Variants in PCDHGB1 observed in about 807,000 individuals in gnomAD.
The protein encoded by PCDHGB1 is protocadherin gamma-B1.
PCDHGB1 carries 34 observed loss-of-function variants against 56.6 expected under a neutral mutation model. That is an observed-to-expected ratio of 0.60 (90% CI 0.46 to 0.80). PCDHGB1 has a LOEUF of 0.80. PCDHGB1 is among the 30% of genes least tolerant of loss of function. PCDHGB1 has a pLI of 0.00. For missense variants in PCDHGB1, 1,278 were observed against 1,204.6 expected (o/e 1.06, Z -0.90); for synonymous variants, 561 against 505.9 (o/e 1.11, Z -1.46).
At chr5:141,419,620 G>A (rs776986192) in intron 1 of PCDHGB1, 9 of 1,612,304 alleles carry the variant, frequency 5.6e-6, no homozygotes, top group Non-Finnish European at 7.6e-6. Context: ...CAGGCTACCT[G>A]GTGACCAAGG....
At chr5:141,422,374 G>A (rs1268014814) in intron 1 of PCDHGB1, 1 of 1,570,452 alleles carries the variant, frequency 6.4e-7, no homozygotes, top group Non-Finnish European at 8.6e-7. Flanking sequence ...AAATGGTCAA[G>A]TCTCCTGTTT....
At chr5:141,355,077 C>A in intron 1 of PCDHGB1, 1 of 1,404,060 alleles carries the variant, frequency 7.1e-7, no homozygotes, top group Non-Finnish European at 9.5e-7. Flanking sequence ...ATGAAAGCTT[C>A]AAGCGGAAGC....
chr5:141,375,017 T>TC lies in PCDHGB1; in HGVS notation c.2409+22349dup, dbSNP rs772354381. The TC allele has an allele frequency of 6.2e-6, 10 of 1,614,032 alleles. No individual in the cohort carries two copies. The South Asian group carries it at 1.1e-4, about 18-fold the overall frequency. The stretch of plus-strand genomic sequence containing the variant: ...TTCTGCAAATCTAGACTATGAGGAC[T>TC]CGAGTTTTTATGAGCTGGGTGTTGA... On this transcript the variant is annotated intron_variant, in intron 1 of 3. Transcript: ENST00000523390.
At chr5:141,422,279 C>T (rs1344316011) in intron 1 of PCDHGB1, 1 of 1,557,956 alleles carries the variant, frequency 6.4e-7, no homozygotes, top group Non-Finnish European at 8.6e-7. Context: ...ATAACTATCA[C>T]CTCTTCTATT....
intron 1 of PCDHGB1, chr5:141,385,074 G>T: frequency 1.2e-6 from 2 of 1,614,192 alleles, no homozygotes; most frequent in African/African-American, 1.3e-5. Context: ...CACGCCTGCT[G>T]CAGGCTTCAG....
chr5:141,483,648 TTGTGTGTGTGTGTG>T (rs111458813), intron 1 of PCDHGB1, among the ~76,000 whole-genome samples: 1 of 149,592 alleles, frequency 6.7e-6, no homozygotes, highest in Non-Finnish European at 1.5e-5. Flanking sequence ...GGGTGTGTGT[TTGTGTGTGTGTGTG>T]TGTGTGTAAA....
intron 1 of PCDHGB1, among the ~76,000 whole-genome samples, chr5:141,425,915 C>G (rs537499239): frequency 1.3e-5 from 2 of 152,336 alleles, no homozygotes; most frequent in East Asian, 3.9e-4. Context: ...AAAACAGTCA[C>G]TACGAAAACT....
chr5:141,366,854 C>A (rs1018356495), intron 1 of PCDHGB1: 8 of 1,453,350 alleles, frequency 5.5e-6, no homozygotes, highest in Non-Finnish European at 7.4e-6. Context: ...AATAGTGGAA[C>A]ATTATTTGCT....
chr5:141,376,169 G>A (rs779538880), intron 1 of PCDHGB1: 6 of 1,614,106 alleles, frequency 3.7e-6, no homozygotes, highest in African/African-American at 2.7e-5. Context: ...CCTGGTGGTG[G>A]CGGTGGCCGC....
chr5:141,485,221 C>G lies in PCDHGB1; in HGVS notation c.2410-9586C>G. ...GGACAGAAATCTGGCGGTGGGCTACCCTTTTGTTCCTCTTTTACCACCTGG... is the reference window on the plus strand; with the variant it reads ...GGACAGAAATCTGGCGGTGGGCTACGCTTTTGTTCCTCTTTTACCACCTGG... On this transcript the variant is annotated intron_variant, in intron 1 of 3. Transcript: ENST00000523390. The surrounding 1 kb of genome is among the most constrained non-coding windows in gnomAD (Gnocchi z 5.7). The G allele has an allele frequency of 6.2e-7, 1 of 1,614,118 alleles. No individual in the cohort carries two copies. Among genetic ancestry groups the G allele is most frequent in the Non-Finnish European group, 8.5e-7 (1 of 1,180,010 alleles).
chr5:141,496,338 G>A (rs1011495959), intron 2 of PCDHGB1, among the ~76,000 whole-genome samples: 5 of 152,230 alleles, frequency 3.3e-5, no homozygotes, highest in African/African-American at 9.6e-5. Flanking sequence ...TCAGGAGCCT[G>A]GAGGAGTCTC....
intron 1 of PCDHGB1, chr5:141,404,270 C>T (rs1359018673): frequency 5.0e-6 from 8 of 1,614,010 alleles, no homozygotes; most frequent in Non-Finnish European, 6.8e-6. Flanking sequence ...TCACATCACC[C>T]TGCAAGTGAC....
intron 1 of PCDHGB1, chr5:141,409,124 G>T: frequency 6.2e-7 from 1 of 1,613,940 alleles, no homozygotes. Context: ...CCAGTCATTT[G>T]ATTTTGAAGA....
At position 141,476,923 on chromosome 5, in the gene PCDHGB1, G is replaced by A. The variant is rs368207814; in HGVS notation, c.2410-17884G>A. On this transcript the variant is annotated intron_variant, in intron 1 of 3. Transcript: ENST00000523390. This position sits in a 1 kb window ranked among gnomAD's most constrained non-coding sequence, Gnocchi z 7.6. ...CGCGCGTGGTACAAGTCCTTGCAAC[G>A]GATCTGGATGAAGGCCCCAACGGTG... The A allele has an allele frequency of 5.0e-6, 8 of 1,614,024 alleles. No individual in the cohort carries two copies. Among genetic ancestry groups the A allele is most frequent in the African/African-American group, 4.0e-5 (3 of 74,952 alleles).
intron 1 of PCDHGB1, chr5:141,405,626 C>G (rs1329214735): frequency 3.7e-6 from 2 of 538,556 alleles, no homozygotes; most frequent in South Asian, 5.3e-5. Context: ...AGGCACGTGC[C>G]ACCACGCCCG....
intron 1 of PCDHGB1, chr5:141,423,627 C>T (rs925883716): frequency 6.2e-7 from 1 of 1,604,886 alleles, no homozygotes; most frequent in African/African-American, 1.3e-5. Context: ...ACTCAGCTAT[C>T]ATTTTAGGCA....
intron 1 of PCDHGB1, among the ~76,000 whole-genome samples, chr5:141,444,150 GGA>G (rs1471930589): frequency 1.6e-4 from 18 of 114,012 alleles, no homozygotes; most frequent in Non-Finnish European, 2.3e-4. Context: ...TGTGTGTACT[GGA>G]TTTTTTTTTT....
At position 141,486,114 on chromosome 5, in the gene PCDHGB1, A is replaced by G; in HGVS notation, c.2410-8693A>G. On this transcript the variant is annotated intron_variant, in intron 1 of 3. Coordinates refer to ENST00000523390, the MANE Select transcript of PCDHGB1 (RefSeq NM_018922.3). This position sits in a 1 kb window ranked among gnomAD's most constrained non-coding sequence, Gnocchi z 5.0. ...GGGCCCCTAGACTTTGAGAGTGAGAATTACTATGAATTTGATGTGCGGGCT... is the reference window on the plus strand; with the variant it reads ...GGGCCCCTAGACTTTGAGAGTGAGAGTTACTATGAATTTGATGTGCGGGCT... 3 of 1,614,082 alleles carry G rather than the reference A, an allele frequency of 1.9e-6. No individual in the cohort carries two copies. Among genetic ancestry groups the G allele is most frequent in the South Asian group, 2.2e-5 (2 of 91,072 alleles).
intron 1 of PCDHGB1, among the ~76,000 whole-genome samples, chr5:141,425,699 G>A (rs535043616): frequency 6.6e-6 from 1 of 152,260 alleles, no homozygotes; most frequent in Non-Finnish European, 1.5e-5. Context: ...ATTTCATAGT[G>A]GTCAAAATTT....
Sources: allele counts gnomAD v4.1 joint callset (sites outside exome capture counted in the v4.1 genomes callset), GRCh38; gene constraint gnomAD v4.1.1; non-coding constraint Gnocchi (gnomAD v3.1); transcripts MANE v1.5; gene names NCBI Gene and HGNC (gene_info 2026-07-23, HGNC 2026-07-21).